ANKRD29: variants seen among roughly 807,000 people sequenced by gnomAD.
The protein encoded by ANKRD29 is ankyrin repeat domain 29.
Under a neutral mutation model 38.0 loss-of-function variants are expected in ANKRD29, and 32 were observed. The observed-to-expected ratio is 0.84, with a 90% CI of 0.64 to 1.13. The LOEUF is 1.13. ANKRD29 is among the 50% of genes most tolerant of loss of function. ANKRD29 has a pLI of 0.00. For synonymous variants in ANKRD29, 135 were observed against 152.4 expected (o/e 0.89, Z 0.84); for missense variants, 357 against 377.9 (o/e 0.94, Z 0.46).
chr18:23,609,909 T>C (rs1441822749), intron 9 of ANKRD29, among the ~76,000 whole-genome samples: 3 of 152,202 alleles, frequency 2.0e-5, no homozygotes, highest in East Asian at 1.9e-4. Context: ...AGAAATGTTA[T>C]AGACAAGCAA....
chr18:23,630,361 G>C (rs1049548633), intron 5 of ANKRD29, among the ~76,000 whole-genome samples: 2 of 152,210 alleles, frequency 1.3e-5, no homozygotes, highest in Non-Finnish European at 2.9e-5. Context: ...TGGAGGCAGA[G>C]GTTGCAGTGA....
intron 8 of ANKRD29, among the ~76,000 whole-genome samples, chr18:23,613,861 G>A (rs1038793112): frequency 6.6e-6 from 1 of 152,028 alleles, no homozygotes; most frequent in African/African-American, 2.4e-5. Flanking sequence ...GCCTTCCAAA[G>A]TGCTGGGATT....
At position 23,600,486 on chromosome 18, in the gene ANKRD29, G is replaced by T. The variant is rs1014164987; in HGVS notation, c.*740C>A. 1 of 152,450 alleles carries T rather than the reference G, an allele frequency of 6.6e-6. No homozygotes were observed. The highest frequency in any genetic ancestry group is 1.5e-5 in the Non-Finnish European group (1 of 68,020). 9.4% of individuals were successfully genotyped at this position (152,450 alleles called of 1,614,324 possible). A position where few individuals can be genotyped will look rare whatever the true frequency, so the allele number is the denominator to read the frequency against. ...TATTTCTCGTGGTTTATAAGTTTCT[G>T]AATTTCCAAATTTGCCACTGGTATT... On this transcript the variant is annotated 3_prime_UTR_variant, in exon 10 of 10. Transcript: ENST00000592179.
chr18:23,648,781 A>T (rs927642948), intron 2 of ANKRD29: 1 of 411,042 alleles, frequency 2.4e-6, no homozygotes, highest in African/African-American at 2.1e-5. Context: ...GGTTGGCTTG[A>T]ATTCTTTCAC....
intron 5 of ANKRD29, among the ~76,000 whole-genome samples, 157 bp downstream of exon 5, chr18:23,633,894 A>AC (rs1555656265): frequency 6.6e-6 from 1 of 151,768 alleles, no homozygotes; most frequent in East Asian, 1.9e-4. Flanking sequence ...ATATAAAAAA[A>AC]GCCCATCTGG....
chr18:23,620,764 G>T (rs1211357609), intron 6 of ANKRD29, among the ~76,000 whole-genome samples: 1 of 152,120 alleles, frequency 6.6e-6, no homozygotes, highest in Non-Finnish European at 1.5e-5. Context: ...AGAAATGGCC[G>T]TGGGAGTTTC....
intron 3 of ANKRD29, among the ~76,000 whole-genome samples, chr18:23,642,765 C>T (rs2060094001): frequency 1.3e-5 from 2 of 152,230 alleles, no homozygotes; most frequent in Admixed American, 1.3e-4. Flanking sequence ...TAGGGACTTC[C>T]TGGGGCCCTG....
intron 1 of ANKRD29, among the ~76,000 whole-genome samples, chr18:23,662,505 G>A (rs2060377682): frequency 6.6e-6 from 1 of 151,150 alleles, no homozygotes. Context: ...GGCAGGGCAG[G>A]CAGGCAAACC....
intron 8 of ANKRD29, among the ~76,000 whole-genome samples, chr18:23,616,655 TA>T (rs1234528831): frequency 7.0e-6 from 1 of 143,454 alleles, no homozygotes; most frequent in African/African-American, 2.5e-5. Flanking sequence ...TTTCCTATAG[TA>T]ATATTTATAT....
At chr18:23,627,628 A>G (rs1169184929) in intron 6 of ANKRD29, among the ~76,000 whole-genome samples, 3 of 152,316 alleles carry the variant, frequency 2.0e-5, no homozygotes, top group Admixed American at 2.0e-4. Flanking sequence ...GTTTTTTACA[A>G]GCAGTACTTT....
intron 1 of ANKRD29, among the ~76,000 whole-genome samples, chr18:23,654,340 T>G (rs1237144180): frequency 1.3e-5 from 2 of 151,246 alleles, no homozygotes; most frequent in Non-Finnish European, 2.9e-5. Flanking sequence ...AAGTCTGGAC[T>G]GGACACGGTG....
chr18:23,617,849 A>G (rs776535441), intron 7 of ANKRD29, 22 bp from the exon 8 acceptor site: 13 of 1,598,054 alleles, frequency 8.1e-6, no homozygotes, highest in South Asian at 1.1e-5. Context: ...GAGGAAAATA[A>G]AAGTTGATTA....
At chr18:23,626,517 G>A (rs1056543380) in intron 6 of ANKRD29, among the ~76,000 whole-genome samples, 4 of 152,194 alleles carry the variant, frequency 2.6e-5, no homozygotes, top group Admixed American at 6.5e-5. Flanking sequence ...GTGAGGACAC[G>A]TGGAAAGAAA....
intron 9 of ANKRD29, among the ~76,000 whole-genome samples, chr18:23,604,122 G>A (rs544442116): frequency 6.6e-6 from 1 of 152,244 alleles, no homozygotes; most frequent in Admixed American, 6.5e-5. Context: ...GATTACAGGT[G>A]TGAGCCACCG....
intron 1 of ANKRD29, among the ~76,000 whole-genome samples, chr18:23,651,032 A>T (rs1015592008): frequency 1.3e-5 from 2 of 152,312 alleles, no homozygotes; most frequent in Admixed American, 6.5e-5. Context: ...TGCTTTTTCT[A>T]AGCTCAAAAG....
chr18:23,617,954 C>T, intron 7 of ANKRD29, 127 bp from the exon 8 acceptor site: 1 of 664,318 alleles, frequency 1.5e-6, no homozygotes, highest in Non-Finnish European at 2.6e-6. Context: ...CACAGATCAG[C>T]AATGTCTCTT....
At chr18:23,642,049 G>C (rs989673892) in intron 3 of ANKRD29, among the ~76,000 whole-genome samples, 1 of 152,130 alleles carries the variant, frequency 6.6e-6, no homozygotes, top group Non-Finnish European at 1.5e-5. Context: ...CTGCAGAAAA[G>C]AGCCACCCAC....
chr18:23,612,855 C>T (rs1057246266), intron 8 of ANKRD29, among the ~76,000 whole-genome samples: 3 of 152,012 alleles, frequency 2.0e-5, no homozygotes, highest in Admixed American at 6.6e-5. Context: ...AGCTGGACCA[C>T]GGAGAGGAGG....
intron 3 of ANKRD29, 79 bp downstream of exon 3, chr18:23,646,110 C>T: frequency 1.5e-6 from 2 of 1,310,938 alleles, no homozygotes; most frequent in Non-Finnish European, 2.2e-6. Flanking sequence ...GGCTCTTGTC[C>T]CCCATACCAG....
Sources: gnomAD v4.1 joint callset for allele counts (sites outside exome capture counted in the v4.1 genomes callset) on GRCh38, gnomAD v4.1.1 for gene constraint, MANE v1.5 for transcripts, NCBI Gene and HGNC (gene_info 2026-07-23, HGNC 2026-07-21) for gene names.